Variants in AFAP1L1 observed in about 807,000 individuals in gnomAD.
The protein encoded by AFAP1L1 is actin filament associated protein 1 like 1, also known as actin filament-associated protein 1-like 1.
A neutral mutation model predicts 99.8 loss-of-function variants in AFAP1L1; 77 were observed. The observed-to-expected ratio is 0.77, with a 90% CI of 0.64 to 0.93. The LOEUF is 0.93. AFAP1L1 is among the 40% of genes least tolerant of loss of function. The pLI, the probability that AFAP1L1 is intolerant of heterozygous loss-of-function variation, is 0.00. For synonymous variants in AFAP1L1, 373 were observed against 395.3 expected (o/e 0.94, Z 0.67); for missense variants, 893 against 996.8 (o/e 0.90, Z 1.40).
chr5:149,302,339 G>T (rs1756249853), intron 4 of AFAP1L1, 79 bp from the exon 5 acceptor site: 3 of 1,000,952 alleles, frequency 3.0e-6, no homozygotes, highest in African/African-American at 3.3e-5. Flanking sequence ...CCTTCTGCGA[G>T]CTCCTGCCTC....
intron 1 of AFAP1L1, among the ~76,000 whole-genome samples, chr5:149,294,183 G>A (rs1755950744): frequency 6.6e-6 from 1 of 152,134 alleles, no homozygotes; most frequent in African/African-American, 2.4e-5. Flanking sequence ...ATCACTTGGA[G>A]TACTTGTAAA....
intron 12 of AFAP1L1, 149 bp downstream of exon 12, chr5:149,318,089 T>C (rs1756851802): frequency 1.1e-6 from 1 of 895,158 alleles, no homozygotes; most frequent in South Asian, 1.8e-5. Flanking sequence ...GTGACCCAAG[T>C]AGATTATAAG....
chr5:149,316,682 A>G (rs901437304), intron 11 of AFAP1L1, among the ~76,000 whole-genome samples: 4 of 152,222 alleles, frequency 2.6e-5, no homozygotes, highest in African/African-American at 9.6e-5. Context: ...TTATAGGGAA[A>G]TTTATTGGAG....
At chr5:149,275,337 C>A (rs563576357) in intron 1 of AFAP1L1, among the ~76,000 whole-genome samples, 2 of 152,288 alleles carry the variant, frequency 1.3e-5, no homozygotes, top group East Asian at 3.9e-4. Context: ...AAGGTGCAGT[C>A]AGGGTTAGTG....
chr5:149,272,448 G>T (rs867761700), intron 1 of AFAP1L1, among the ~76,000 whole-genome samples: 1 of 152,052 alleles, frequency 6.6e-6, no homozygotes, highest in Non-Finnish European at 1.5e-5. Flanking sequence ...GAGCAGGCGC[G>T]CGTGTGCATG....
intron 1 of AFAP1L1, among the ~76,000 whole-genome samples, chr5:149,288,639 T>C (rs1044504798): frequency 6.6e-6 from 1 of 152,176 alleles, no homozygotes; most frequent in Non-Finnish European, 1.5e-5. Context: ...ATTTCCTTTG[T>C]GAGCTCAACA....
chr5:149,307,480 G>C lies in AFAP1L1; in HGVS notation c.614G>C (p.Arg205Pro), dbSNP rs766887140. The C allele has an allele frequency of 1.9e-6, 3 of 1,614,144 alleles. No homozygotes were observed. Among genetic ancestry groups the C allele is most frequent in the Non-Finnish European group, 1.7e-6 (2 of 1,180,014 alleles). ...GAGGAAGGGAAGAGCCCGCAGCCCC[G>C]ACACCAGTGGCCCTCAGAGGAGGCC... ...EEEEGKSPQPRHQWPSEEASM... is the reference protein window; with the variant it reads ...EEEEGKSPQPPHQWPSEEASM... Residue 205 changes from arginine to proline, a missense_variant, in exon 7 of 19, where the codon CGA becomes CCA. Arg to Pro is a moderately radical substitution (Grantham distance 103). Coordinates refer to ENST00000296721, the MANE Select transcript of AFAP1L1 (RefSeq NM_152406.4).
chr5:149,321,709 C>T (rs1039858653), intron 14 of AFAP1L1, among the ~76,000 whole-genome samples: 21 of 118,454 alleles, frequency 1.8e-4, no homozygotes, highest in African/African-American at 5.8e-4. Flanking sequence ...GGCAACAGAG[C>T]GAGACTCTGT....
In AFAP1L1 at chr5:149,316,137, C is replaced by T. The variant is rs200886656; in HGVS notation, c.1115-14C>T. 1,274 of 1,611,388 alleles carry T rather than the reference C, an allele frequency of 7.9e-4. 19 individuals carry two copies. In the South Asian group the frequency reaches 0.013, roughly 17 times the overall value. ...CAGGGCTCCCTCCACTCCCCTGACC[C>T]ATTTCCCCAACAGGCAAAGGGAAGA... On this transcript the variant is annotated splice_polypyrimidine_tract_variant and intron_variant, in intron 10 of 18. Coordinates refer to ENST00000296721, the MANE Select transcript of AFAP1L1 (RefSeq NM_152406.4).
intron 5 of AFAP1L1, chr5:149,302,778 T>G: frequency 2.7e-6 from 1 of 376,694 alleles, no homozygotes. Flanking sequence ...GAAAATCCCC[T>G]TGCCCTCTGG....
intron 1 of AFAP1L1, among the ~76,000 whole-genome samples, chr5:149,277,520 T>C (rs143723204): frequency 6.6e-6 from 1 of 152,198 alleles, no homozygotes; most frequent in African/African-American, 2.4e-5. Flanking sequence ...GCTGTGAATT[T>C]CCATGCAGAC....
At chr5:149,305,046 C>A (rs1490189222) in intron 5 of AFAP1L1, among the ~76,000 whole-genome samples, 3 of 152,210 alleles carry the variant, frequency 2.0e-5, no homozygotes, top group African/African-American at 7.2e-5. Context: ...TGGCTTGCTT[C>A]CTTGTCTACA....
intron 1 of AFAP1L1, among the ~76,000 whole-genome samples, chr5:149,284,106 A>G (rs953730184): frequency 1.3e-5 from 2 of 152,264 alleles, no homozygotes; most frequent in Non-Finnish European, 2.9e-5. Context: ...AGAAGAGCCC[A>G]GAAGCATGCT....
intron 9 of AFAP1L1, 113 bp from the exon 10 acceptor site, chr5:149,315,708 G>A (rs1411299844): frequency 4.8e-6 from 4 of 842,028 alleles, no homozygotes; most frequent in Admixed American, 2.0e-5. Flanking sequence ...ACAAACATTT[G>A]TTAGCTAATT....
intron 16 of AFAP1L1, among the ~76,000 whole-genome samples, chr5:149,330,594 TCTG>T (rs1285430566): frequency 6.6e-6 from 1 of 152,088 alleles, no homozygotes; most frequent in Non-Finnish European, 1.5e-5. Context: ...ATTAAGAACT[TCTG>T]GTTTAAAGGA....
Position 149,306,360 on chromosome 5 carries a change from G to T in AFAP1L1, c.491G>T (p.Ser164Ile), listed in dbSNP as rs1460472192. 6.2e-7 allele frequency: 1 copy of T among 1,613,454 alleles called. No individual in the cohort carries two copies. Among genetic ancestry groups the T allele is most frequent in the Non-Finnish European group, 8.5e-7 (1 of 1,179,790 alleles). ...IVDGYYEDAD[S>I]SYPATRVNGE... ...GATGGCTACTATGAGGACGCAGACA[G>T]CAGCTACCCTGCAACCAGGGTGAAC... is the stretch of plus-strand genomic sequence containing the variant. The change falls in exon 6 of 19, where the codon AGC becomes ATC. Residue 164 changes from serine to isoleucine, a missense_variant. Physicochemically the swap from Ser to Ile is moderately radical, Grantham distance 142 (BLOSUM62 -2). Coordinates refer to ENST00000296721, the MANE Select transcript of AFAP1L1 (RefSeq NM_152406.4).
chr5:149,307,108 G>A (rs1756439289), intron 6 of AFAP1L1, among the ~76,000 whole-genome samples: 1 of 152,132 alleles, frequency 6.6e-6, no homozygotes, highest in Non-Finnish European at 1.5e-5. Context: ...TTATCCAGGT[G>A]TGGTGGTGGG....
chr5:149,329,863 G>A, intron 16 of AFAP1L1, 33 bp downstream of exon 16: 7 of 1,555,774 alleles, frequency 4.5e-6, no homozygotes, highest in Non-Finnish European at 6.1e-6. Flanking sequence ...GAGCACCTAT[G>A]GGTGGCCAGC....
intron 11 of AFAP1L1, 57 bp from the exon 12 acceptor site, chr5:149,317,672 C>A: frequency 1.3e-6 from 2 of 1,580,756 alleles, no homozygotes; most frequent in Non-Finnish European, 1.7e-6. Flanking sequence ...AGCCGCCTTG[C>A]GTCCCCATGC....
Sources: gnomAD v4.1 joint callset for allele counts (sites outside exome capture counted in the v4.1 genomes callset) on GRCh38, gnomAD v4.1.1 for gene constraint, MANE v1.5 for transcripts, NCBI Gene and HGNC (gene_info 2026-07-23, HGNC 2026-07-21) for gene names.